Variants in ACVR2B observed in about 807,000 individuals in gnomAD.
ACVR2B encodes the protein activin receptor type-2B.
ACVR2B carries 18 observed loss-of-function variants against 65.1 expected under a neutral mutation model. The ratio of observed to expected loss-of-function variants is 0.28; its 90% CI spans 0.19 to 0.41. The LOEUF is 0.41. ACVR2B is among the 10% of genes least tolerant of loss of function. ACVR2B has a pLI of 1.00. For synonymous variants in ACVR2B, 298 were observed against 277.7 expected, an observed-to-expected ratio of 1.07 and a Z score of -0.73; for missense variants, 482 against 682.7, an observed-to-expected ratio of 0.71 and a Z score of 3.28.
At position 38,477,266 on chromosome 3, in the gene ACVR2B, T is replaced by G. The variant is rs1350452497; in HGVS notation, c.53-21T>G. On this transcript the variant is annotated intron_variant, in intron 1 of 10. Transcript: ENST00000352511. This position sits in a 1 kb window ranked among gnomAD's most constrained non-coding sequence, Gnocchi z 6.7. ...TGGTCCCAGGGGCATGCTCAGTGGT[T>G]CTCTTTTCTCTGGGGCACAGGCTCT... The G allele has an allele frequency of 6.2e-7, 1 of 1,613,512 alleles. No homozygotes were observed. Among genetic ancestry groups the G allele is most frequent in the Non-Finnish European group, 8.5e-7 (1 of 1,179,720 alleles).
rs189015244 is a variant in ACVR2B at position 38,487,773 on chromosome 3, T to A, written c.*4441T>A. 6.6e-6 allele frequency: 1 copy of A among 152,382 alleles called. No homozygotes were observed. Among genetic ancestry groups the A allele is most frequent in the Admixed American group, 6.5e-5 (1 of 15,304 alleles). 9.4% of individuals were successfully genotyped at this position (152,382 alleles called of 1,614,324 possible). A position where few individuals can be genotyped will look rare whatever the true frequency, so the allele number is the denominator to read the frequency against. On this transcript the variant is annotated 3_prime_UTR_variant, in exon 11 of 11. Coordinates refer to ENST00000352511, the MANE Select transcript of ACVR2B (RefSeq NM_001106.4). ...AAATAATACAGTAAGCATAAGTATG[T>A]AAGTTTTTAGAATTGGTACTAGAAG...
chr3:38,469,645 G>A (rs779059582), intron 1 of ACVR2B, among the ~76,000 whole-genome samples: 3 of 152,222 alleles, frequency 2.0e-5, no homozygotes, highest in Non-Finnish European at 4.4e-5. Flanking sequence ...AATAGTTAAT[G>A]TCCTAGGGAG....
At chr3:38,458,052 G>C (rs572408083) in intron 1 of ACVR2B, among the ~76,000 whole-genome samples, 1 of 152,186 alleles carries the variant, frequency 6.6e-6, no homozygotes, top group African/African-American at 2.4e-5. Flanking sequence ...CAAGGCAGAT[G>C]ATGTGAGAAA....
Position 38,478,388 on chromosome 3 carries a change from C to T in ACVR2B, c.536C>T (p.Pro179Leu), listed in dbSNP as rs758021785. 2.5e-6 allele frequency: 4 copies of T among 1,613,978 alleles called. No individual in the cohort carries two copies. The highest frequency in any genetic ancestry group is 1.1e-5 in the South Asian group (1 of 91,070). ...HVDIHEDPGP[P>L]PPSPLVGLKP... ...GCTCTCCCCCAGGACCCTGGGCCTC[C>T]ACCACCATCCCCTCTGGTGGGCCTG... is the stretch of plus-strand genomic sequence containing the variant. The change falls in exon 5 of 11, where the codon CCA becomes CTA. Residue 179 changes from proline (P) to leucine (L), a missense_variant. Physicochemically the swap from Pro to Leu is moderately conservative, Grantham distance 98 (BLOSUM62 -3). This residue lies in a region of ACVR2B where 95 missense variants were observed against 91.6 expected (regional missense o/e 1.04). Transcript: ENST00000352511.
intron 1 of ACVR2B, chr3:38,459,612 C>T (rs1709607660): frequency 1.0e-6 from 1 of 985,442 alleles, no homozygotes; most frequent in South Asian, 4.7e-5. Context: ...ATGTGGCGCT[C>T]CGGGGAGCCG....
At position 38,492,729 on chromosome 3, in the gene ACVR2B, ATTACACAC is replaced by A. The variant is rs2059820209; in HGVS notation, c.*9398_*9405del. Reference sequence around the variant, plus strand: ...AAAGTGTGCTGATTTATATATATATATTACACACACACACACACACACACACACACACA... The same window carrying A: ...AAAGTGTGCTGATTTATATATATATAACACACACACACACACACACACACA... On this transcript the variant is annotated 3_prime_UTR_variant, in exon 11 of 11. Coordinates refer to ENST00000352511, the MANE Select transcript of ACVR2B (RefSeq NM_001106.4). The A allele has an allele frequency of 8.3e-6, 1 of 120,262 alleles. No individual in the cohort carries two copies. Among genetic ancestry groups the A allele is most frequent in the Non-Finnish European group, 1.8e-5 (1 of 54,788 alleles). 7.4% of individuals were successfully genotyped at this position (120,262 alleles called of 1,614,324 possible). A position where few individuals can be genotyped will look rare whatever the true frequency, so the allele number is the denominator to read the frequency against.
At chr3:38,456,632 T>G (rs750910737) in intron 1 of ACVR2B, among the ~76,000 whole-genome samples, 10 of 152,186 alleles carry the variant, frequency 6.6e-5, no homozygotes, top group Non-Finnish European at 1.0e-4. Flanking sequence ...GCTGGCATGG[T>G]TGGGTTCTGG....
chr3:38,454,435 G>C, intron 1 of ACVR2B, 61 bp downstream of exon 1: 1 of 1,213,716 alleles, frequency 8.2e-7, no homozygotes, highest in Non-Finnish European at 1.0e-6. Context: ...CTCTGGCGCC[G>C]CGCGGTGTTT....
At position 38,491,779 on chromosome 3, in the gene ACVR2B, T is replaced by C. The variant is rs1305574488; in HGVS notation, c.*8447T>C. On this transcript the variant is annotated 3_prime_UTR_variant, in exon 11 of 11. Coordinates refer to ENST00000352511, the MANE Select transcript of ACVR2B (RefSeq NM_001106.4). The stretch of plus-strand genomic sequence containing the variant: ...GGCTTTTTTTTCCTCTTTTTTTCTG[T>C]AATTCTGTAAAAATGCAGAGAAAGT... 2 of 152,228 alleles carry C rather than the reference T, an allele frequency of 1.3e-5. No individual in the cohort carries two copies. The highest frequency in any genetic ancestry group is 6.5e-5 in the Admixed American group (1 of 15,288). The allele number at this position is 152,228 out of a possible 1,614,324, so 9.4% of individuals were successfully genotyped here. A position where few individuals can be genotyped will look rare whatever the true frequency, so the allele number is the denominator to read the frequency against.
intron 1 of ACVR2B, chr3:38,474,310 T>G (rs1709870156): frequency 6.6e-6 from 1 of 152,376 alleles, no homozygotes; most frequent in South Asian, 2.1e-4. Flanking sequence ...AGGAGGTTAC[T>G]CTGTTGGCCT....
At chr3:38,463,471 G>T (rs147220867) in intron 1 of ACVR2B, among the ~76,000 whole-genome samples, 150 of 152,304 alleles carry the variant, frequency 9.8e-4, no homozygotes, top group African/African-American at 3.3e-3. Flanking sequence ...TCTGTTCCTG[G>T]CTGAGTGTAT....
At position 38,454,365 on chromosome 3, in the gene ACVR2B, C is replaced by T. The variant is rs1709504242; in HGVS notation, c.43C>T (p.Leu15=). Residue 15 remains leucine, a synonymous_variant, in exon 1 of 11, where the codon CTG becomes TTG. Coordinates refer to ENST00000352511, the MANE Select transcript of ACVR2B (RefSeq NM_001106.4). ...GGCCCTCGCCCTCCTCTGGGGATCG[C>T]TGTGCGCCGGTAAGAACTGGGCGCG... The part of the protein sequence containing the change: ...WVALALLWGS[L]CAGSGRGEAE... 3 of 1,278,894 alleles carry T rather than the reference C, an allele frequency of 2.3e-6. No individual in the cohort carries two copies. Among genetic ancestry groups the T allele is most frequent in the South Asian group, 5.5e-5 (2 of 36,556 alleles). The allele number at this position is 1,278,894 out of a possible 1,614,324, so 79.2% of individuals were successfully genotyped here. A position where few individuals can be genotyped will look rare whatever the true frequency, so the allele number is the denominator to read the frequency against.
Position 38,483,072 on chromosome 3 carries a change from C to T in ACVR2B, c.1345-66C>T. 6.3e-7 allele frequency: 1 copy of T among 1,585,764 alleles called. No homozygotes were observed. The highest frequency in any genetic ancestry group is 1.1e-5 in the South Asian group (1 of 90,418). On this transcript the variant is annotated intron_variant, in intron 10 of 10. Coordinates refer to ENST00000352511, the MANE Select transcript of ACVR2B (RefSeq NM_001106.4). This position sits in a 1 kb window ranked among gnomAD's most constrained non-coding sequence, Gnocchi z 4.8. ...TTGGGAATATCAAGTTTACTGTCCC[C>T]CAAAGCTTTTCCTCACTGAAGGGTC...
In ACVR2B at chr3:38,493,119, GAAAAT is replaced by G. The variant is rs780355817; in HGVS notation, c.*9795_*9799del. The G allele has an allele frequency of 6.6e-6, 1 of 152,580 alleles. No homozygotes were observed. Among genetic ancestry groups the G allele is most frequent in the African/African-American group, 2.4e-5 (1 of 41,438 alleles). 9.5% of individuals were successfully genotyped at this position (152,580 alleles called of 1,614,324 possible). ...TTTCAAGTTTTATCTTTTTGTATAT[GAAAAT>G]AAAATAATAATAAAACAATCTTGTC... On this transcript the variant is annotated 3_prime_UTR_variant, in exon 11 of 11. Transcript: ENST00000352511.
In ACVR2B at chr3:38,483,394, T is replaced by C; in HGVS notation, c.*62T>C. On this transcript the variant is annotated 3_prime_UTR_variant, in exon 11 of 11. Transcript: ENST00000352511. This position sits in a 1 kb window ranked among gnomAD's most constrained non-coding sequence, Gnocchi z 4.8. The stretch of plus-strand genomic sequence containing the variant: ...CTGAAGAAAAAAGGAAAAAAAGTTG[T>C]GTTTTGTTTTGGAAATCCCATAAAA... The C allele has an allele frequency of 6.3e-7, 1 of 1,581,238 alleles. No homozygotes were observed. The highest frequency in any genetic ancestry group is 1.3e-5 in the African/African-American group (1 of 74,500).
In ACVR2B at chr3:38,483,088, C is replaced by T. The variant is rs574771202; in HGVS notation, c.1345-50C>T. On this transcript the variant is annotated intron_variant, in intron 10 of 10. Transcript: ENST00000352511. The surrounding 1 kb of genome is among the most constrained non-coding windows in gnomAD (Gnocchi z 4.8). ...TACTGTCCCCCAAAGCTTTTCCTCA[C>T]TGAAGGGTCCTAACAAAGGTGTCTT... The T allele has an allele frequency of 1.2e-6, 2 of 1,606,756 alleles. No individual in the cohort carries two copies. The highest frequency in any genetic ancestry group is 2.2e-5 in the South Asian group (2 of 90,924).
Position 38,482,571 on chromosome 3 carries a change from T to G in ACVR2B, c.1344+11T>G. 1 of 1,608,710 alleles carries G rather than the reference T, an allele frequency of 6.2e-7. No homozygotes were observed. Among genetic ancestry groups the G allele is most frequent in the Non-Finnish European group, 8.5e-7 (1 of 1,178,794 alleles). On this transcript the variant is annotated intron_variant, in intron 10 of 10. Coordinates refer to ENST00000352511, the MANE Select transcript of ACVR2B (RefSeq NM_001106.4). ...TGGTTGAAACACCCGGTAAGGGGCCTGGTTCAGGCAACTTTGCAGGGGGGT... is the reference window on the plus strand; with the variant it reads ...TGGTTGAAACACCCGGTAAGGGGCCGGGTTCAGGCAACTTTGCAGGGGGGT...
At chr3:38,479,929 C>T (rs754999979) in intron 7 of ACVR2B, 103 bp downstream of exon 7, 2 of 1,436,162 alleles carry the variant, frequency 1.4e-6, no homozygotes, top group Admixed American at 2.0e-5. Flanking sequence ...CCTAAACATA[C>T]TTACCCTGCT....
rs754890724 is a variant in ACVR2B, at chr3:38,468,099, C to T, written c.53-9188C>T. Among the ~76,000 whole-genome samples, 5 of 152,118 alleles carry T rather than the reference C, an allele frequency of 3.3e-5. No individual in the cohort carries two copies. The East Asian group carries it at 5.8e-4, about 18-fold the overall frequency. On this transcript the variant is annotated intron_variant, in intron 1 of 10. Coordinates refer to ENST00000352511, the MANE Select transcript of ACVR2B (RefSeq NM_001106.4). Reference sequence around the variant, plus strand: ...CTCACCATGTTGCCCAGGCTTGTCTCGAACTCCTGAGTTCAAGCAGTCTGC... The same window carrying T: ...CTCACCATGTTGCCCAGGCTTGTCTTGAACTCCTGAGTTCAAGCAGTCTGC...
Sources: allele counts gnomAD v4.1 joint callset (sites outside exome capture counted in the v4.1 genomes callset), GRCh38; gene constraint gnomAD v4.1.1; regional missense constraint gnomAD v4.1.1; non-coding constraint Gnocchi (gnomAD v3.1); transcripts MANE v1.5; gene names NCBI Gene and HGNC (gene_info 2026-07-23, HGNC 2026-07-21).